MACF1: variants seen among roughly 807,000 people sequenced by gnomAD.
The protein encoded by MACF1 is microtubule actin crosslinking factor 1.
In MACF1, 193 loss-of-function variants were observed where a neutral mutation model predicts 854.8. The ratio of observed to expected loss-of-function variants is 0.23; its 90% CI spans 0.20 to 0.25. The LOEUF (loss-of-function observed/expected upper bound fraction) is 0.25. MACF1 is among the 10% of genes least tolerant of loss of function. The probability of loss-of-function intolerance (pLI) is 1.00; values close to 1 mark genes in which losing one functional copy is unlikely to be tolerated. For missense variants in MACF1, 7,722 were observed against 8,929.1 expected (o/e 0.86, Z 5.45); for synonymous variants, 3,185 against 3,226.7 (o/e 0.99, Z 0.44).
intron 79 of MACF1, 134 bp downstream of exon 79, chr1:39,443,708 T>G: frequency 3.0e-6 from 3 of 991,916 alleles, no homozygotes; most frequent in Middle Eastern, 5.1e-4. Context: ...AGTATAACCT[T>G]TGGGGATTGC....
intron 2 of MACF1, among the ~76,000 whole-genome samples, chr1:39,134,927 A>G (rs776523968): frequency 9.2e-5 from 14 of 152,298 alleles, no homozygotes; most frequent in Middle Eastern, 3.4e-3. Context: ...TTCCAAACCC[A>G]TTAAACAATA....
intron 1 of MACF1, among the ~76,000 whole-genome samples, chr1:39,214,868 T>C (rs142868507): frequency 1.6e-4 from 24 of 152,284 alleles, no homozygotes; most frequent in Non-Finnish European, 2.9e-4. Context: ...GAGGAGCAAG[T>C]TGTTGGGCAA....
chr1:39,333,654 G>T lies in MACF1; in HGVS notation c.7066G>T (p.Asp2356Tyr). The change falls in exon 37 of 101, where the codon GAT becomes TAT. Residue 2356 changes from aspartate (D) to tyrosine (Y), a missense_variant. Physicochemically the swap from Asp to Tyr is radical, Grantham distance 160. Transcript: ENST00000564288. ...TEEVINEGLM[D>Y]EKLLHNVLMA... ...AGAAGTCATTAATGAAGGTCTGATG[G>T]ATGAGAAATTATTACATAATGTCCT... is the stretch of plus-strand genomic sequence containing the variant. 6.2e-7 allele frequency: 1 copy of T among 1,614,186 alleles called. No individual in the cohort carries two copies.
In MACF1 at chr1:39,289,693, C is replaced by CTTTTTTTTTTTTTTTTTTTTTTTTTT. The variant is rs58188740; in HGVS notation, c.1785+2138_1785+2163dup. Among the ~76,000 whole-genome samples the CTTTTTTTTTTTTTTTTTTTTTTTTTT allele has an allele frequency of 4.5e-4, 13 of 28,966 alleles. 6 individuals carry two copies. Among genetic ancestry groups the CTTTTTTTTTTTTTTTTTTTTTTTTTT allele is most frequent in the Non-Finnish European group, 4.8e-4 (8 of 16,774 alleles). 19.0% of individuals were successfully genotyped at this position (28,966 alleles called of 152,430 possible). A position where few individuals can be genotyped will look rare whatever the true frequency, so the allele number is the denominator to read the frequency against. ...ATTTTCTCCCATTCTGTGGGTTGTC[C>CTTTTTTTTTTTTTTTTTTTTTTTTTT]TTTTTTTTTTTTTTTTTTTTTTTTT... On this transcript the variant is annotated intron_variant, in intron 15 of 100. Transcript: ENST00000564288.
chr1:39,136,882 T>C (rs1428743567), intron 2 of MACF1, among the ~76,000 whole-genome samples: 1 of 151,714 alleles, frequency 6.6e-6, no homozygotes, highest in Non-Finnish European at 1.5e-5. Context: ...AGCGTGAGAG[T>C]GTTCAGTTTG....
At chr1:39,180,694 T>C (rs1167953200) in intron 2 of MACF1, among the ~76,000 whole-genome samples, 1 of 152,202 alleles carries the variant, frequency 6.6e-6, no homozygotes. Context: ...GATAGAGAAA[T>C]GGATTATGAT....
At chr1:39,270,898 T>A (rs1645304793) in intron 6 of MACF1, among the ~76,000 whole-genome samples, 1 of 152,128 alleles carries the variant, frequency 6.6e-6, no homozygotes. Flanking sequence ...GGGGATACAT[T>A]TTCCCCACAG....
chr1:39,119,418 TTTGTTGTTGTTG>T (rs149476759), intron 2 of MACF1, among the ~76,000 whole-genome samples: 1 of 151,344 alleles, frequency 6.6e-6, no homozygotes, highest in Admixed American at 6.6e-5. Flanking sequence ...CATTTCTTAG[TTTGTTGTTGTTG>T]TTGTTGTTGT....
At chr1:39,344,652 C>T (rs560469152) in intron 40 of MACF1, among the ~76,000 whole-genome samples, 1 of 152,196 alleles carries the variant, frequency 6.6e-6, no homozygotes, top group South Asian at 2.1e-4. Flanking sequence ...TGGGAGGGGT[C>T]GCATGTGCAG....
intron 72 of MACF1, 70 bp downstream of exon 72, chr1:39,439,570 T>A: frequency 7.9e-7 from 1 of 1,271,592 alleles, no homozygotes; most frequent in South Asian, 1.3e-5. Flanking sequence ...CAAATCAAAG[T>A]GAGGTATGTT....
At chr1:39,482,819 C>T (rs61779327) in intron 99 of MACF1, among the ~76,000 whole-genome samples, 1 of 136,876 alleles carries the variant, frequency 7.3e-6, no homozygotes, top group Admixed American at 7.4e-5. Flanking sequence ...AAAAAAACCC[C>T]ACACAGATTT....
At chr1:39,311,821 T>C (rs764351929) in intron 26 of MACF1, among the ~76,000 whole-genome samples, 1 of 152,158 alleles carries the variant, frequency 6.6e-6, no homozygotes, top group Non-Finnish European at 1.5e-5. Flanking sequence ...TAGAATGGTA[T>C]GAGAGAGCTC....
intron 2 of MACF1, among the ~76,000 whole-genome samples, chr1:39,168,198 T>C (rs1643901977): frequency 6.6e-6 from 1 of 152,234 alleles, no homozygotes; most frequent in African/African-American, 2.4e-5. Context: ...GCTCCATCTT[T>C]GCATAACTTT....
At chr1:39,278,024 C>T (rs1645469918) in intron 6 of MACF1, among the ~76,000 whole-genome samples, 1 of 152,304 alleles carries the variant, frequency 6.6e-6, no homozygotes, top group South Asian at 2.1e-4. Context: ...ATTAACCAAG[C>T]TTTGGGAAGT....
chr1:39,309,243 A>G (rs1388487340), intron 23 of MACF1, among the ~76,000 whole-genome samples: 1 of 151,864 alleles, frequency 6.6e-6, no homozygotes, highest in African/African-American at 2.4e-5. Flanking sequence ...GAAGATCTCA[A>G]TTAATTAATG....
intron 40 of MACF1, among the ~76,000 whole-genome samples, chr1:39,344,229 A>G (rs1457005997): frequency 6.6e-6 from 1 of 152,068 alleles, no homozygotes; most frequent in Non-Finnish European, 1.5e-5. Context: ...GGAGTTCAAG[A>G]GCAGCCTGGC....
intron 2 of MACF1, among the ~76,000 whole-genome samples, chr1:39,195,963 A>G (rs939761814): frequency 2.0e-5 from 3 of 152,192 alleles, no homozygotes; most frequent in African/African-American, 4.8e-5. Context: ...AGCAATATTC[A>G]TAGTCTTTGT....
chr1:39,386,045 A>G (rs1641761367), intron 57 of MACF1, 116 bp downstream of exon 57: 2 of 1,207,908 alleles, frequency 1.7e-6, no homozygotes, highest in Admixed American at 2.7e-5. Context: ...TAGACTCAGA[A>G]TGGTGTTAAA....
chr1:39,287,705 C>T lies in MACF1; in HGVS notation c.1785+143C>T, dbSNP rs947687352. 3 of 935,456 alleles carry T rather than the reference C, an allele frequency of 3.2e-6. No individual in the cohort carries two copies. In the Admixed American group the frequency reaches 7.4e-5, roughly 23 times the overall value. The allele number at this position is 935,456 out of a possible 1,614,324, so 57.9% of individuals were successfully genotyped here. On this transcript the variant is annotated intron_variant, in intron 15 of 100. Transcript: ENST00000564288. ...CTTTTATTTGAGTGATGGGGTCTTG[C>T]TATGTTGCCCAGGCTGGACTGGAAC... is the stretch of plus-strand genomic sequence containing the variant.
Sources: allele counts gnomAD v4.1 joint callset (sites outside exome capture counted in the v4.1 genomes callset), GRCh38; gene constraint gnomAD v4.1.1; transcripts MANE v1.5; gene names NCBI Gene and HGNC (gene_info 2026-07-23, HGNC 2026-07-21).